Variants in CLCN1 observed in about 807,000 individuals in gnomAD.
CLCN1 encodes the protein chloride channel protein 1.
Under a neutral mutation model 114.5 loss-of-function variants are expected in CLCN1, and 100 were observed. That is an observed-to-expected ratio of 0.87 (90% confidence interval 0.74 to 1.03). CLCN1 has a LOEUF of 1.03. Ranked by LOEUF, CLCN1 falls within the 50% of genes least tolerant of loss-of-function variation. The pLI is 0.00. For synonymous variants in CLCN1, 485 were observed against 487.1 expected, an observed-to-expected ratio of 1.00 and a Z score of 0.06; for missense variants, 1,188 against 1,250.0, an observed-to-expected ratio of 0.95 and a Z score of 0.75.
chr7:143,345,646 T>G lies in CLCN1; in HGVS notation c.2056T>G (p.Tyr686Asp), dbSNP rs1359747708. Reference protein sequence around the residue: ...EMARKLSELPYDGKARLAGEG... With the variant: ...EMARKLSELPDDGKARLAGEG... ...GGCGCGGAAGTTGTCGGAGCTGCCT[T>G]ACGACGGGAAGGCGCGGCTGGCTGG... Residue 686 changes from tyrosine (Y) to aspartate (D), a missense_variant, in exon 17 of 23, where the codon TAC becomes GAC. By Grantham distance (160) the Tyr-to-Asp change is radical. Coordinates refer to ENST00000343257, the MANE Select transcript of CLCN1 (RefSeq NM_000083.3). 3.2e-6 allele frequency: 5 copies of G among 1,565,976 alleles called. No homozygotes were observed. Among genetic ancestry groups the G allele is most frequent in the Non-Finnish European group, 4.3e-6 (5 of 1,155,950 alleles).
intron 7 of CLCN1, among the ~76,000 whole-genome samples, chr7:143,327,780 A>G (rs1452041921): frequency 1.3e-5 from 2 of 152,072 alleles, no homozygotes; most frequent in Non-Finnish European, 2.9e-5. Context: ...TCAGCCTCCC[A>G]GCAGCTGGGA....
At chr7:143,322,355 G>A (rs949075127) in intron 5 of CLCN1, among the ~76,000 whole-genome samples, 1 of 152,134 alleles carries the variant, frequency 6.6e-6, no homozygotes, top group African/African-American at 2.4e-5. Flanking sequence ...AAGGTTGCTC[G>A]GTGGGTTGCA....
chr7:143,338,004 A>AT (rs1802958231), intron 12 of CLCN1, among the ~76,000 whole-genome samples: 1 of 149,644 alleles, frequency 6.7e-6, no homozygotes, highest in Non-Finnish European at 1.5e-5. Context: ...TTTATTTTTT[A>AT]TTTTTTATTT....
intron 22 of CLCN1, 32 bp from the exon 23 acceptor site, chr7:143,351,562 T>G (rs749285625): frequency 5.6e-6 from 9 of 1,612,382 alleles, no homozygotes; most frequent in Non-Finnish European, 7.6e-6. Context: ...TTCCAACTTT[T>G]TACCCTCTTT....
intron 14 of CLCN1, 112 bp from the exon 15 acceptor site, chr7:143,341,817 C>G: frequency 1.2e-6 from 1 of 816,138 alleles, no homozygotes; most frequent in Admixed American, 2.0e-5. Context: ...TGAGTATTGG[C>G]ACTGACCAGG....
chr7:143,350,295 C>T lies in CLCN1; in HGVS notation c.2404-77C>T, dbSNP rs192613077. On this transcript the variant is annotated intron_variant, in intron 20 of 22. Coordinates refer to ENST00000343257, the MANE Select transcript of CLCN1 (RefSeq NM_000083.3). This position sits in a 1 kb window ranked among gnomAD's most constrained non-coding sequence, Gnocchi z 5.1. ...GATTCTGGGCAGCGGCTAGGAGGGC[C>T]GTTTGGGGTCAAAATCAGGTATCTG... The T allele has an allele frequency of 1.1e-5, 12 of 1,127,906 alleles. No homozygotes were observed. Among genetic ancestry groups the T allele is most frequent in the Admixed American group, 3.9e-5 (2 of 51,910 alleles). The allele number at this position is 1,127,906 out of a possible 1,614,324, so 69.9% of individuals were successfully genotyped here.
In CLCN1 at chr7:143,342,029, G is replaced by A; in HGVS notation, c.1683G>A (p.Val561=). Residue 561 remains valine (V), a synonymous_variant, in exon 15 of 23, where the codon GTG becomes GTA. Coordinates refer to ENST00000343257, the MANE Select transcript of CLCN1 (RefSeq NM_000083.3). ...GQIAHILPMM[V]AVILANMVAQ... ...TTGCTCACATCCTGCCCATGATGGT[G>A]GCTGTTATCTTGGCCAACATGGTGG... 1 of 1,614,152 alleles carries A rather than the reference G, an allele frequency of 6.2e-7. No individual in the cohort carries two copies. Among genetic ancestry groups the A allele is most frequent in the African/African-American group, 1.3e-5 (1 of 75,032 alleles).
chr7:143,339,150 A>G lies in CLCN1; in HGVS notation c.1402-103A>G. ...AAAGTGACTTTCAGAAGGATCAGCT[A>G]TCCCAGGATTTCTGCAGAAAGGAGG... On this transcript the variant is annotated intron_variant, in intron 12 of 22. Coordinates refer to ENST00000343257, the MANE Select transcript of CLCN1 (RefSeq NM_000083.3). This position sits in a 1 kb window ranked among gnomAD's most constrained non-coding sequence, Gnocchi z 4.1. 1 of 838,752 alleles carries G rather than the reference A, an allele frequency of 1.2e-6. No individual in the cohort carries two copies. The highest frequency in any genetic ancestry group is 2.1e-6 in the Non-Finnish European group (1 of 474,390). The allele number at this position is 838,752 out of a possible 1,614,324, so 52.0% of individuals were successfully genotyped here. A position where few individuals can be genotyped will look rare whatever the true frequency, so the allele number is the denominator to read the frequency against.
chr7:143,348,956 T>C (rs1273962565), intron 20 of CLCN1, among the ~76,000 whole-genome samples: 1 of 152,204 alleles, frequency 6.6e-6, no homozygotes, highest in Non-Finnish European at 1.5e-5. Flanking sequence ...TGTGCCTCTG[T>C]TTCCTCATCT....
rs80356694 is a variant in CLCN1 at position 143,339,290 on chromosome 7, C to T, written c.1439C>T (p.Pro480Leu). ...MSIVATTMPIPCGGFMPVFVL... is the reference protein window; with the variant it reads ...MSIVATTMPILCGGFMPVFVL... ...ATCGTGGCCACCACTATGCCCATAC[C>T]CTGCGGAGGCTTCATGCCTGTGTTT... The change falls in exon 13 of 23, where the codon CCC (proline) becomes CTC (leucine). Residue 480 changes from proline to leucine, a missense_variant. Physicochemically the swap from Pro to Leu is moderately conservative, Grantham distance 98. Coordinates refer to ENST00000343257, the MANE Select transcript of CLCN1 (RefSeq NM_000083.3). The surrounding 1 kb of genome is among the most constrained non-coding windows in gnomAD (Gnocchi z 4.1). 6.2e-7 allele frequency: 1 copy of T among 1,613,164 alleles called. No individual in the cohort carries two copies. Among genetic ancestry groups the T allele is most frequent in the South Asian group, 1.1e-5 (1 of 91,072 alleles).
chr7:143,330,840 G>C lies in CLCN1; in HGVS notation c.922G>C (p.Ala308Pro), dbSNP rs1330549395. The C allele has an allele frequency of 6.2e-7, 1 of 1,614,178 alleles. No individual in the cohort carries two copies. The highest frequency in any genetic ancestry group is 1.7e-5 in the Admixed American group (1 of 60,018). ...AVRNYWRGFF[A>P]ATFSAFVFRV... ...TCGGAACTACTGGAGAGGATTCTTTGCAGCCACGTTCAGCGCCTTTGTGTT... is the reference window on the plus strand; with the variant it reads ...TCGGAACTACTGGAGAGGATTCTTTCCAGCCACGTTCAGCGCCTTTGTGTT... The change falls in exon 8 of 23, where the codon GCA (alanine) becomes CCA (proline). Residue 308 changes from alanine to proline, a missense_variant. By Grantham distance (27) the Ala-to-Pro change is conservative (BLOSUM62 -1). Transcript: ENST00000343257.
At chr7:143,335,667 T>G (rs1218310681) in intron 12 of CLCN1, among the ~76,000 whole-genome samples, 4 of 149,684 alleles carry the variant, frequency 2.7e-5, no homozygotes, top group East Asian at 3.9e-4. Context: ...TTTTGTTTTT[T>G]TTTTTTTTTT....
Position 143,351,525 on chromosome 7 carries a change from C to G in CLCN1, c.2596-69C>G, listed in dbSNP as rs1411440047. 3.3e-6 allele frequency: 5 copies of G among 1,536,688 alleles called. No individual in the cohort carries two copies. In the African/African-American group the frequency reaches 5.5e-5, roughly 17 times the overall value. ...TCATTGTACCTGTTCTTTTCTGTGT[C>G]TCTCACTGCCCCCGTCTTTTTTCTT... On this transcript the variant is annotated intron_variant, in intron 22 of 22. Coordinates refer to ENST00000343257, the MANE Select transcript of CLCN1 (RefSeq NM_000083.3).
Position 143,339,283 on chromosome 7 carries a change from C to A in CLCN1, c.1432C>A (p.Pro478Thr). 7 of 1,612,828 alleles carry A rather than the reference C, an allele frequency of 4.3e-6. No homozygotes were observed. The highest frequency in any genetic ancestry group is 5.9e-6 in the Non-Finnish European group (7 of 1,178,830). Residue 478 changes from proline to threonine, a missense_variant, in exon 13 of 23, where the codon CCC becomes ACC. Physicochemically the swap from Pro to Thr is conservative, Grantham distance 38. Transcript: ENST00000343257. This position sits in a 1 kb window ranked among gnomAD's most constrained non-coding sequence, Gnocchi z 4.1. ...FWMSIVATTMPIPCGGFMPVF... is the reference protein window; with the variant it reads ...FWMSIVATTMTIPCGGFMPVF... ...GATGTCCATCGTGGCCACCACTATG[C>A]CCATACCCTGCGGAGGCTTCATGCC...
rs1245258761 is a variant in CLCN1 at position 143,351,810 on chromosome 7, C to T, written c.2812C>T (p.Pro938Ser). ...CCCTGTGCCATCTCCTTCCCCAGAGCCCCCTCTCTCCCTGGCCCCAGGCAA... is the reference window on the plus strand; with the variant it reads ...CCCTGTGCCATCTCCTTCCCCAGAGTCCCCTCTCTCCCTGGCCCCAGGCAA... ...ETPVPSPSPE[P>S]PLSLAPGKVE... The change falls in exon 23 of 23, where the codon CCC becomes TCC. Residue 938 changes from proline to serine, a missense_variant. By Grantham distance (74) the Pro-to-Ser change is moderately conservative. Transcript: ENST00000343257. 1 of 1,613,984 alleles carries T rather than the reference C, an allele frequency of 6.2e-7. No homozygotes were observed. The highest frequency in any genetic ancestry group is 1.3e-5 in the African/African-American group (1 of 74,912).
chr7:143,340,633 A>T (rs1803052245), intron 14 of CLCN1, among the ~76,000 whole-genome samples: 2 of 152,052 alleles, frequency 1.3e-5, no homozygotes, highest in South Asian at 4.1e-4. Context: ...CCTGGGCTCA[A>T]GTGATTCTCC....
intron 12 of CLCN1, among the ~76,000 whole-genome samples, chr7:143,335,523 A>G (rs1177735048): frequency 6.6e-6 from 1 of 152,218 alleles, no homozygotes; most frequent in African/African-American, 2.4e-5. Context: ...CTTATTTTTT[A>G]GCTAGGTAGG....
At chr7:143,320,188 T>C (rs1802387585) in intron 2 of CLCN1, among the ~76,000 whole-genome samples, 1 of 152,182 alleles carries the variant, frequency 6.6e-6, no homozygotes. Context: ...ATGCTGAGGC[T>C]GGTCTTGAAC....
Position 143,352,040 on chromosome 7 carries a change from G to C in CLCN1, c.*75G>C, listed in dbSNP as rs576294869. On this transcript the variant is annotated 3_prime_UTR_variant, in exon 23 of 23. Coordinates refer to ENST00000343257, the MANE Select transcript of CLCN1 (RefSeq NM_000083.3). ...GGTGAACTTGTGTGGGGCAGGGTGCGTCCTGAATGTGGCGAGGTCATGCCA... is the reference window on the plus strand; with the variant it reads ...GGTGAACTTGTGTGGGGCAGGGTGCCTCCTGAATGTGGCGAGGTCATGCCA... The C allele has an allele frequency of 9.4e-5, 150 of 1,592,326 alleles. No homozygotes were observed. The South Asian group carries it at 1.6e-3, about 17-fold the overall frequency.
Sources: gnomAD v4.1 joint callset for allele counts (sites outside exome capture counted in the v4.1 genomes callset) on GRCh38, gnomAD v4.1.1 for gene constraint, Gnocchi (gnomAD v3.1) non-coding constraint, MANE v1.5 for transcripts, NCBI Gene and HGNC (gene_info 2026-07-23, HGNC 2026-07-21) for gene names.